SDF2: variants seen among roughly 807,000 people sequenced by gnomAD.
SDF2 encodes stromal cell-derived factor 2.
SDF2 carries 12 observed loss-of-function variants against 20.5 expected under a neutral mutation model. That is an observed-to-expected ratio of 0.58 (90% CI 0.37 to 0.95). SDF2 has a LOEUF of 0.95. Ranked by LOEUF, SDF2 falls within the 40% of genes least tolerant of loss-of-function variation. SDF2 has a pLI of 0.01. For missense variants in SDF2, 238 were observed against 263.1 expected, an observed-to-expected ratio of 0.90 and a Z score of 0.66; for synonymous variants, 100 against 101.0, an observed-to-expected ratio of 0.99 and a Z score of 0.06.
At chr17:28,653,078 G>C (rs1378233045) in intron 2 of SDF2, among the ~76,000 whole-genome samples, 1 of 152,092 alleles carries the variant, frequency 6.6e-6, no homozygotes, top group Non-Finnish European at 1.5e-5. Context: ...CCCTAATGTA[G>C]ACAGAGTATA....
rs897558185 is a variant in SDF2 at position 28,661,888 on chromosome 17, C to T, written c.-12G>A. The T allele has an allele frequency of 1.3e-6, 2 of 1,589,272 alleles. No homozygotes were observed. Among genetic ancestry groups the T allele is most frequent in the African/African-American group, 2.7e-5 (2 of 74,416 alleles). On this transcript the variant is annotated 5_prime_UTR_variant, in exon 1 of 3. Coordinates refer to ENST00000247020, the MANE Select transcript of SDF2 (RefSeq NM_006923.4). ...GGTACTACAGCCATCCTAACTGTAT[C>T]GCGGAGCCCCAAATCTTCGAAGAAA...
At chr17:28,653,629 T>C (rs1028259764) in intron 2 of SDF2, among the ~76,000 whole-genome samples, 2 of 152,006 alleles carry the variant, frequency 1.3e-5, no homozygotes, top group African/African-American at 4.8e-5. Context: ...CTGGACAACA[T>C]GGTGAAACCC....
At chr17:28,657,713 A>C (rs2071977430) in intron 1 of SDF2, 1 of 152,006 alleles carries the variant, frequency 6.6e-6, no homozygotes, top group Non-Finnish European at 1.5e-5. Context: ...AAAAATTTTT[A>C]TATTTAAAAG....
chr17:28,651,311 A>G (rs143078946), intron 2 of SDF2, among the ~76,000 whole-genome samples: 62 of 152,226 alleles, frequency 4.1e-4, no homozygotes, highest in African/African-American at 1.2e-3. Flanking sequence ...TGATCCACCT[A>G]CCTCAGCGTA....
At chr17:28,659,249 G>GGGT (rs2071998097) in intron 1 of SDF2, among the ~76,000 whole-genome samples, 1 of 139,384 alleles carries the variant, frequency 7.2e-6, no homozygotes, top group South Asian at 2.3e-4. Flanking sequence ...TTCCCAGACG[G>GGGT]GGCGGCTGGG....
intron 2 of SDF2, among the ~76,000 whole-genome samples, chr17:28,650,841 T>TATCTTGCTC (rs1338758530): frequency 1.5e-5 from 2 of 134,412 alleles, no homozygotes; most frequent in Non-Finnish European, 3.1e-5. Context: ...ACAGTTAGGG[T>TATCTTGCTC]ATCTTGCTCT....
At chr17:28,653,222 G>A (rs1288749645) in intron 2 of SDF2, among the ~76,000 whole-genome samples, 1 of 152,116 alleles carries the variant, frequency 6.6e-6, no homozygotes, top group Non-Finnish European at 1.5e-5. Context: ...GGTAATCAAG[G>A]TCCACATCAA....
rs2071903295 is a variant in SDF2 at position 28,650,348 on chromosome 17, G to A, written c.349-1072C>T. Among the ~76,000 whole-genome samples the A allele has an allele frequency of 2.0e-5, 3 of 151,860 alleles. No homozygotes were observed. The South Asian group carries it at 6.2e-4, about 31-fold the overall frequency. On this transcript the variant is annotated intron_variant, in intron 2 of 2. Transcript: ENST00000247020. The stretch of plus-strand genomic sequence containing the variant: ...TCATTGCTATAAGATTATGGTCCAT[G>A]GTTCTTATCTGAGTCATGGCATCAA...
chr17:28,658,173 G>A lies in SDF2; in HGVS notation c.152-2690C>T, dbSNP rs559928770. 6.6e-5 allele frequency among the ~76,000 whole-genome samples: 10 copies of A among 150,526 alleles called. No individual in the cohort carries two copies. In the East Asian group the frequency reaches 1.4e-3, roughly 20 times the overall value. ...TACATTTTCTGCTTTCTATTCAACCGTTCACTTCTTCCTCCAAATCCTTAT... is the reference window on the plus strand; with the variant it reads ...TACATTTTCTGCTTTCTATTCAACCATTCACTTCTTCCTCCAAATCCTTAT... On this transcript the variant is annotated intron_variant, in intron 1 of 2. Coordinates refer to ENST00000247020, the MANE Select transcript of SDF2 (RefSeq NM_006923.4).
Position 28,661,723 on chromosome 17 carries a change from T to C in SDF2, c.151+3A>G. The C allele has an allele frequency of 1.2e-6, 2 of 1,612,354 alleles. No homozygotes were observed. The highest frequency in any genetic ancestry group is 1.7e-6 in the Non-Finnish European group (2 of 1,178,586). On this transcript the variant is annotated splice_donor_region_variant and intron_variant, in intron 1 of 2. Transcript: ENST00000247020. ...CCCACCCGAGCCCGGTCCCCAGCAT[T>C]ACCTGACCCATAGCGCACGTCGTGT... is the stretch of plus-strand genomic sequence containing the variant.
At chr17:28,661,685 G>A (rs1238048206) in intron 1 of SDF2, 41 bp downstream of exon 1, 5 of 1,589,420 alleles carry the variant, frequency 3.1e-6, no homozygotes, top group East Asian at 2.3e-5. Context: ...CAGAGCCTCC[G>A]AGTCCTCCCT....
intron 1 of SDF2, chr17:28,655,799 G>A (rs1001405926): frequency 4.1e-5 from 15 of 369,340 alleles, no homozygotes; most frequent in Non-Finnish European, 6.5e-5. Context: ...CCTTTGTGCC[G>A]AACACCAAAT....
At chr17:28,655,171 G>C (rs2071949648) in intron 2 of SDF2, 116 bp downstream of exon 2, 1 of 976,314 alleles carries the variant, frequency 1.0e-6, no homozygotes, top group South Asian at 1.5e-5. Flanking sequence ...CATTTCCCCA[G>C]GTCTGCACAA....
At chr17:28,649,335 GGA>G in intron 2 of SDF2, 59 bp from the exon 3 acceptor site, 1 of 1,524,618 alleles carries the variant, frequency 6.6e-7, no homozygotes, top group East Asian at 2.3e-5. Flanking sequence ...AAAAGGGGTG[GGA>G]GGCAATGGGA....
intron 2 of SDF2, 36 bp downstream of exon 2, chr17:28,655,251 T>C (rs1597670410): frequency 1.3e-6 from 2 of 1,595,348 alleles, no homozygotes; most frequent in Non-Finnish European, 1.7e-6. Context: ...CACTGAGTAA[T>C]GCAGAGCAGC....
Position 28,660,879 on chromosome 17 carries a change from T to C in SDF2, c.151+847A>G, listed in dbSNP as rs2072025803. 1.8e-5 allele frequency: 3 copies of C among 164,936 alleles called. No homozygotes were observed. The Admixed American group carries it at 1.9e-4, about 10-fold the overall frequency. The allele number at this position is 164,936 out of a possible 1,614,324, so 10.2% of individuals were successfully genotyped here. On this transcript the variant is annotated intron_variant, in intron 1 of 2. Coordinates refer to ENST00000247020, the MANE Select transcript of SDF2 (RefSeq NM_006923.4). The stretch of plus-strand genomic sequence containing the variant: ...TCTCACTAGCTGACCTTCATTCTTT[T>C]TTTTTAACTTTATCTTTTTTTTTCA...
intron 2 of SDF2, among the ~76,000 whole-genome samples, chr17:28,652,569 A>G (rs1183120161): frequency 6.6e-6 from 1 of 152,164 alleles, no homozygotes; most frequent in East Asian, 1.9e-4. Flanking sequence ...CTGCCTCACA[A>G]AGTGCCGGGA....
intron 1 of SDF2, among the ~76,000 whole-genome samples, chr17:28,657,021 G>C (rs1398196864): frequency 1.3e-5 from 2 of 152,078 alleles, no homozygotes; most frequent in East Asian, 1.9e-4. Flanking sequence ...AAAGTCATGA[G>C]TTCGAGACCA....
At chr17:28,650,515 G>A (rs977204625) in intron 2 of SDF2, among the ~76,000 whole-genome samples, 3 of 151,576 alleles carry the variant, frequency 2.0e-5, no homozygotes, top group African/African-American at 7.3e-5. Flanking sequence ...GCCAGGTACG[G>A]TAGCTCATGC....
Sources: gnomAD v4.1 joint callset for allele counts (sites outside exome capture counted in the v4.1 genomes callset) on GRCh38, gnomAD v4.1.1 for gene constraint, MANE v1.5 for transcripts, NCBI Gene and HGNC (gene_info 2026-07-23, HGNC 2026-07-21) for gene names.